The following MEI4 variants were observed in gnomAD, a reference collection of about 807,000 sequenced individuals.
MEI4 encodes the protein meiosis-specific protein MEI4.
In MEI4, 27 loss-of-function variants were observed where a neutral mutation model predicts 31.4. The ratio of observed to expected loss-of-function variants is 0.86; its 90% confidence interval spans 0.63 to 1.19. The LOEUF is 1.19. Ranked by LOEUF, MEI4 falls within the 50% of genes most tolerant of loss-of-function variation. The pLI is 0.00. For missense variants in MEI4, 329 were observed against 398.9 expected, an observed-to-expected ratio of 0.82 and a Z score of 1.49; for synonymous variants, 122 against 145.4, an observed-to-expected ratio of 0.84 and a Z score of 1.16.
chr6:77,890,057 C>A lies in MEI4; in HGVS notation c.901-33032C>A, dbSNP rs190886041. Among the ~76,000 whole-genome samples the A allele has an allele frequency of 3.3e-5, 5 of 152,288 alleles. No homozygotes were observed. The East Asian group carries it at 9.7e-4, about 29-fold the overall frequency. On this transcript the variant is annotated intron_variant, in intron 4 of 4. Coordinates refer to ENST00000684080, the MANE Select transcript of MEI4 (RefSeq NM_001322247.2). ...CCCTCATGAAGAACCTATGCTAGCA[C>A]AATGTGGAAGGGAAATGTGGGGTTG...
rs550437503 is a variant in MEI4 at position 77,800,250 on chromosome 6, T to C, written c.769-28681T>C. Among the ~76,000 whole-genome samples the C allele has an allele frequency of 1.4e-3, 210 of 152,270 alleles. 1 individual carries two copies. The highest frequency in any genetic ancestry group is 4.4e-3 in the African/African-American group (184 of 41,524). ...GGATTCCTAGGTATTTTATTCTCTT[T>C]GAAGCAATTGTGAATGGGAGTTCAC... On this transcript the variant is annotated intron_variant, in intron 3 of 4. Transcript: ENST00000684080.
intron 3 of MEI4, among the ~76,000 whole-genome samples, chr6:77,808,343 A>G (rs976014686): frequency 6.6e-6 from 1 of 152,196 alleles, no homozygotes; most frequent in East Asian, 1.9e-4. Flanking sequence ...TAAGGGCAGC[A>G]AGGGTATCCC....
chr6:77,916,352 C>G (rs751607815), intron 4 of MEI4, among the ~76,000 whole-genome samples: 23 of 151,964 alleles, frequency 1.5e-4, no homozygotes, highest in Non-Finnish European at 2.9e-4. Flanking sequence ...AGTTTGATAT[C>G]TGAACATCTG....
At chr6:77,851,065 T>G (rs1770605486) in intron 4 of MEI4, among the ~76,000 whole-genome samples, 1 of 152,094 alleles carries the variant, frequency 6.6e-6, no homozygotes, top group Admixed American at 6.5e-5. Context: ...ATCAGAGACA[T>G]GCAAATCAAA....
chr6:77,737,999 G>T lies in MEI4; in HGVS notation c.233-23131G>T, dbSNP rs1245549363. Among the ~76,000 whole-genome samples the T allele has an allele frequency of 2.0e-5, 3 of 152,318 alleles. No individual in the cohort carries two copies. The East Asian group carries it at 5.8e-4, about 29-fold the overall frequency. ...GAACTTGAGAGAAGTGTCAGGATTA[G>T]AAATACAGATAAGAAAGTCATCTGC... On this transcript the variant is annotated intron_variant, in intron 2 of 4. Transcript: ENST00000684080.
intron 1 of MEI4, among the ~76,000 whole-genome samples, chr6:77,655,460 T>A (rs1047716376): frequency 1.1e-4 from 16 of 152,184 alleles, no homozygotes; most frequent in South Asian, 2.1e-4. Flanking sequence ...ATTTGCAAAT[T>A]TATGGGAGAA....
At chr6:77,890,920 A>T (rs1298233394) in intron 4 of MEI4, among the ~76,000 whole-genome samples, 1 of 152,160 alleles carries the variant, frequency 6.6e-6, no homozygotes, top group Non-Finnish European at 1.5e-5. Context: ...CCCTTCCACC[A>T]TGATTGTAAG....
intron 3 of MEI4, among the ~76,000 whole-genome samples, chr6:77,789,786 A>G (rs1181425649): frequency 3.9e-5 from 6 of 152,168 alleles, no homozygotes; most frequent in Non-Finnish European, 8.8e-5. Flanking sequence ...GAGAAATAGG[A>G]ACACTTTTAC....
chr6:77,793,198 G>A (rs185905978), intron 3 of MEI4, among the ~76,000 whole-genome samples: 136 of 152,152 alleles, frequency 8.9e-4, no homozygotes, highest in African/African-American at 2.8e-3. Context: ...AAGGTTATCC[G>A]TAGATTTCTC....
At chr6:77,733,239 T>A in intron 2 of MEI4, among the ~76,000 whole-genome samples, 1 of 152,024 alleles carries the variant, frequency 6.6e-6, no homozygotes, top group African/African-American at 2.4e-5. Context: ...AGAATTTGGC[T>A]GTGAATCCAT....
chr6:77,779,405 A>G (rs1399533235), intron 3 of MEI4, among the ~76,000 whole-genome samples: 2 of 152,290 alleles, frequency 1.3e-5, no homozygotes, highest in Middle Eastern at 3.4e-3. Flanking sequence ...CCTTGTCACA[A>G]ATTTGCTGAA....
rs183324271 is a variant in MEI4 at position 77,758,528 on chromosome 6, C to T, written c.233-2602C>T. Among the ~76,000 whole-genome samples, 4 of 152,282 alleles carry T rather than the reference C, an allele frequency of 2.6e-5. No individual in the cohort carries two copies. The East Asian group carries it at 7.7e-4, about 29-fold the overall frequency. On this transcript the variant is annotated intron_variant, in intron 2 of 4. Coordinates refer to ENST00000684080, the MANE Select transcript of MEI4 (RefSeq NM_001322247.2). ...CCATTCTTTTTGTGCACTGTTCAAC[C>T]ACTGTCCCCCTTTCTCAAACTTTAA...
chr6:77,884,829 T>C (rs1350275907), intron 4 of MEI4, among the ~76,000 whole-genome samples: 2 of 152,176 alleles, frequency 1.3e-5, no homozygotes. Context: ...ATTGAATTGA[T>C]TATTTGGGTT....
In MEI4 at chr6:77,847,161, G is replaced by T. The variant is rs749137174; in HGVS notation, c.900+18099G>T. Among the ~76,000 whole-genome samples the T allele has an allele frequency of 6.6e-6, 1 of 152,078 alleles. No individual in the cohort carries two copies. The highest frequency in any genetic ancestry group is 1.5e-5 in the Non-Finnish European group (1 of 68,010). On this transcript the variant is annotated intron_variant, in intron 4 of 4. Coordinates refer to ENST00000684080, the MANE Select transcript of MEI4 (RefSeq NM_001322247.2). This position sits in a 1 kb window ranked among gnomAD's most constrained non-coding sequence, Gnocchi z 4.6. Reference sequence around the variant, plus strand: ...ATGAGTTTAAATAAAAGATTCAGTGGTACTTTCTCTCAATGTTCTGAAATG... The same window carrying T: ...ATGAGTTTAAATAAAAGATTCAGTGTTACTTTCTCTCAATGTTCTGAAATG...
chr6:77,862,727 G>C (rs1770898382), intron 4 of MEI4, among the ~76,000 whole-genome samples: 2 of 152,190 alleles, frequency 1.3e-5, no homozygotes, highest in Non-Finnish European at 2.9e-5. Context: ...GAAGAGAGTA[G>C]TGGTTCTCCC....
At chr6:77,868,339 CAATG>C (rs1300350427) in intron 4 of MEI4, among the ~76,000 whole-genome samples, 1 of 150,682 alleles carries the variant, frequency 6.6e-6, no homozygotes, top group Non-Finnish European at 1.5e-5. Context: ...CAGTTTCACT[CAATG>C]AAAAATTATG....
chr6:77,765,294 T>C (rs1324083923), intron 3 of MEI4, among the ~76,000 whole-genome samples: 2 of 149,718 alleles, frequency 1.3e-5, no homozygotes, highest in South Asian at 4.1e-4. Context: ...ATGTTGAGTT[T>C]GTTGTAGCAG....
intron 3 of MEI4, among the ~76,000 whole-genome samples, chr6:77,807,200 T>C (rs747483562): frequency 6.6e-6 from 1 of 151,910 alleles, no homozygotes; most frequent in African/African-American, 2.4e-5. Context: ...ATTACAAATT[T>C]ATTAGGAAGT....
chr6:77,853,257 C>T (rs1214353661), intron 4 of MEI4, among the ~76,000 whole-genome samples: 1 of 152,078 alleles, frequency 6.6e-6, no homozygotes, highest in African/African-American at 2.4e-5. Flanking sequence ...TTTCTAATAC[C>T]TAGAGCATTG....
Sources: allele counts gnomAD v4.1 joint callset (sites outside exome capture counted in the v4.1 genomes callset), GRCh38; gene constraint gnomAD v4.1.1; non-coding constraint Gnocchi (gnomAD v3.1); transcripts MANE v1.5; gene names NCBI Gene and HGNC (gene_info 2026-07-23, HGNC 2026-07-21).